EXT1: variants seen among roughly 807,000 people sequenced by gnomAD.
The protein encoded by EXT1 is exostosin glycosyltransferase 1.
EXT1 carries 20 observed loss-of-function variants against 82.5 expected under a neutral mutation model. That is an observed-to-expected ratio of 0.24 (90% confidence interval 0.17 to 0.35). EXT1 has a LOEUF of 0.35. EXT1 is among the 10% of genes least tolerant of loss of function. The probability of loss-of-function intolerance (pLI) is 1.00; values close to 1 mark genes in which losing one functional copy is unlikely to be tolerated. For synonymous variants in EXT1, 348 were observed against 350.8 expected (o/e 0.99, Z 0.09); for missense variants, 757 against 936.5 (o/e 0.81, Z 2.50).
intron 1 of EXT1, among the ~76,000 whole-genome samples, chr8:117,881,623 G>A (rs143726209): frequency 6.6e-6 from 1 of 152,238 alleles, no homozygotes; most frequent in Non-Finnish European, 1.5e-5. Flanking sequence ...ATTGGTTTGC[G>A]GCAACGTAAA....
intron 1 of EXT1, among the ~76,000 whole-genome samples, chr8:117,879,193 C>T (rs1361742097): frequency 6.6e-6 from 1 of 151,992 alleles, no homozygotes; most frequent in South Asian, 2.1e-4. Context: ...AGGTGACTAC[C>T]AAAAAAGATG....
At chr8:118,031,486 T>C (rs924332298) in intron 1 of EXT1, among the ~76,000 whole-genome samples, 1 of 152,000 alleles carries the variant, frequency 6.6e-6, no homozygotes, top group South Asian at 2.1e-4. Context: ...GATCGAGTCA[T>C]TGTACTCTAG....
intron 1 of EXT1, among the ~76,000 whole-genome samples, chr8:118,084,768 C>T (rs1037881480): frequency 7.9e-5 from 12 of 152,206 alleles, no homozygotes; most frequent in African/African-American, 2.9e-4. Context: ...ATGCTTTGCA[C>T]GACTCTGGGC....
chr8:117,835,693 A>G (rs1485662513), intron 2 of EXT1, 142 bp from the exon 3 acceptor site: 1 of 691,554 alleles, frequency 1.4e-6, no homozygotes, highest in Non-Finnish European at 2.6e-6. Context: ...GAAGGAAAGG[A>G]AGCTTTTATG....
intron 1 of EXT1, among the ~76,000 whole-genome samples, chr8:117,968,526 C>CTTATTTAT (rs1250006319): frequency 0.095 from 3,495 of 36,654 alleles, 341 homozygotes; most frequent in Non-Finnish European, 0.11. Flanking sequence ...CTTATTCTGC[C>CTTATTTAT]TTATTTATTT....
intron 1 of EXT1, among the ~76,000 whole-genome samples, chr8:117,976,793 G>C (rs923182561): frequency 2.0e-5 from 3 of 152,180 alleles, no homozygotes; most frequent in African/African-American, 7.2e-5. Flanking sequence ...TCCTAAAATA[G>C]TAGCAGAGGG....
At chr8:118,016,329 G>C (rs550699350) in intron 1 of EXT1, among the ~76,000 whole-genome samples, 1 of 152,318 alleles carries the variant, frequency 6.6e-6, no homozygotes, top group African/African-American at 2.4e-5. Flanking sequence ...GGAGGCAGAG[G>C]TTGCAGTGAG....
chr8:117,806,970 C>G (rs1038808274), intron 9 of EXT1, among the ~76,000 whole-genome samples: 6 of 152,126 alleles, frequency 3.9e-5, no homozygotes, highest in Admixed American at 3.3e-4. Context: ...CTAATATGCC[C>G]TGAGAGTATT....
intron 1 of EXT1, among the ~76,000 whole-genome samples, chr8:117,848,912 T>C (rs1478574379): frequency 6.6e-6 from 1 of 152,210 alleles, no homozygotes; most frequent in East Asian, 1.9e-4. Flanking sequence ...CACCCTCCAG[T>C]GGCTCCTCCT....
intron 1 of EXT1, among the ~76,000 whole-genome samples, chr8:117,938,025 AG>A (rs1814200596): frequency 6.6e-6 from 1 of 152,196 alleles, no homozygotes; most frequent in Non-Finnish European, 1.5e-5. Context: ...ACACCTCAAT[AG>A]GAAATATCTC....
intron 1 of EXT1, among the ~76,000 whole-genome samples, chr8:117,850,682 G>GC (rs1721395153): frequency 6.6e-6 from 1 of 152,140 alleles, no homozygotes; most frequent in Non-Finnish European, 1.5e-5. Context: ...CAAACACACT[G>GC]CCTCCTTTCT....
At chr8:118,005,954 G>C (rs1394251828) in intron 1 of EXT1, among the ~76,000 whole-genome samples, 1 of 152,176 alleles carries the variant, frequency 6.6e-6, no homozygotes, top group African/African-American at 2.4e-5. Context: ...TATACAATAG[G>C]ACAGCTCTAA....
intron 1 of EXT1, among the ~76,000 whole-genome samples, chr8:118,047,657 A>T (rs1449395268): frequency 1.3e-5 from 2 of 152,180 alleles, no homozygotes; most frequent in Non-Finnish European, 2.9e-5. Flanking sequence ...GGATAGAGAA[A>T]ACTAATTCCC....
At chr8:117,813,930 C>T (rs537560530) in intron 7 of EXT1, among the ~76,000 whole-genome samples, 347 of 151,726 alleles carry the variant, frequency 2.3e-3, no homozygotes, top group African/African-American at 6.4e-3. Context: ...CACTTGAACC[C>T]GGGAGGCAGA....
At chr8:117,934,162 C>T (rs1470371666) in intron 1 of EXT1, among the ~76,000 whole-genome samples, 3 of 152,118 alleles carry the variant, frequency 2.0e-5, no homozygotes. Flanking sequence ...CCATTCCCCA[C>T]CCCACAGATA....
At chr8:117,962,062 G>A (rs1193702348) in intron 1 of EXT1, among the ~76,000 whole-genome samples, 1 of 152,114 alleles carries the variant, frequency 6.6e-6, no homozygotes, top group African/African-American at 2.4e-5. Context: ...TCTTTCCACT[G>A]CCTCAGATTT....
intron 1 of EXT1, among the ~76,000 whole-genome samples, chr8:118,001,342 G>A (rs555181218): frequency 5.3e-5 from 8 of 152,156 alleles, no homozygotes; most frequent in Non-Finnish European, 8.8e-5. Flanking sequence ...GTGCCACCAG[G>A]CCTGGCTAAT....
intron 1 of EXT1, among the ~76,000 whole-genome samples, chr8:117,994,238 A>G (rs1418172974): frequency 6.6e-6 from 1 of 152,200 alleles, no homozygotes; most frequent in Non-Finnish European, 1.5e-5. Flanking sequence ...AAGAAGTTCT[A>G]TTGGGAGGGC....
At chr8:117,951,215 GAGTC>G (rs1209870512) in intron 1 of EXT1, among the ~76,000 whole-genome samples, 1 of 152,124 alleles carries the variant, frequency 6.6e-6, no homozygotes, top group East Asian at 1.9e-4. Context: ...TGGCAACCAG[GAGTC>G]AATAGGAATG....
Sources: gnomAD v4.1 joint callset for allele counts (sites outside exome capture counted in the v4.1 genomes callset) on GRCh38, gnomAD v4.1.1 for gene constraint, MANE v1.5 for transcripts, NCBI Gene and HGNC (gene_info 2026-07-23, HGNC 2026-07-21) for gene names.